The following SPATA13 variants were observed in gnomAD, a reference collection of about 807,000 sequenced individuals.
The protein encoded by SPATA13 is spermatogenesis associated 13, also known as spermatogenesis-associated protein 13.
Under a neutral mutation model 104.0 loss-of-function variants are expected in SPATA13, and 50 were observed. That is an observed-to-expected ratio of 0.48 (90% CI 0.38 to 0.61). SPATA13 has a LOEUF of 0.61. Ranked by LOEUF, SPATA13 falls within the 20% of genes least tolerant of loss-of-function variation. The probability of loss-of-function intolerance (pLI) is 0.00; values close to 1 mark genes in which losing one functional copy is unlikely to be tolerated. For synonymous variants in SPATA13, 606 were observed against 667.5 expected, an observed-to-expected ratio of 0.91 and a Z score of 1.42; for missense variants, 1,524 against 1,690.6, an observed-to-expected ratio of 0.90 and a Z score of 1.73.
chr13:24,223,011 G>A lies in SPATA13; in HGVS notation c.82G>A (p.Ala28Thr), dbSNP rs1871689069. The part of the protein sequence containing the change: ...TAPNGLGPGP[A>T]APCAGSDLKD... ...CCCAAACGGCCTCGGGCCAGGCCCC[G>A]CAGCCCCCTGTGCAGGCTCGGACCT... The change falls in exon 2 of 13, where the codon GCA becomes ACA. Residue 28 changes from alanine (A) to threonine (T), a missense_variant. Around this residue, in one of 2 missense-constraint regions of SPATA13, gnomAD observed 1,089 missense variants for 1,135.9 expected, o/e 0.96. Coordinates refer to ENST00000382108, the MANE Select transcript of SPATA13 (RefSeq NM_001166271.3). 3.9e-6 allele frequency: 6 copies of A among 1,551,186 alleles called. No homozygotes were observed. Among genetic ancestry groups the A allele is most frequent in the Admixed American group, 2.0e-5 (1 of 50,990 alleles).
chr13:24,278,958 T>TTCCTTCTC, intron 4 of SPATA13: 2 of 529,416 alleles, frequency 3.8e-6, no homozygotes, highest in Admixed American at 1.1e-4. Context: ...CCCTCCTTCC[T>TTCCTTCTC]TCCTTCCCTC....
intron 1 of SPATA13, among the ~76,000 whole-genome samples, chr13:24,178,043 G>C (rs982135118): frequency 6.6e-6 from 1 of 151,072 alleles, no homozygotes; most frequent in African/African-American, 2.4e-5. Flanking sequence ...TTGTAGAGAT[G>C]GGGTCTTATC....
chr13:24,148,061 C>T (rs7988701), intron 3 of SPATA13, among the ~76,000 whole-genome samples: 3,924 of 152,256 alleles, frequency 0.026, 85 homozygotes, highest in African/African-American at 0.059. Flanking sequence ...GACTATGTTG[C>T]GTACAAATAT....
At chr13:24,084,795 C>A (rs1879665894) in intron 3 of SPATA13, among the ~76,000 whole-genome samples, 3 of 152,112 alleles carry the variant, frequency 2.0e-5, no homozygotes, top group Non-Finnish European at 4.4e-5. Flanking sequence ...CAAGAGGCAG[C>A]AGGATCGCTT....
At chr13:24,169,396 G>A (rs1048846997) in intron 1 of SPATA13, among the ~76,000 whole-genome samples, 12 of 152,150 alleles carry the variant, frequency 7.9e-5, no homozygotes, top group Non-Finnish European at 1.2e-4. Context: ...AGCTTCTTCC[G>A]ACCATTTTAT....
At chr13:24,107,320 G>C (rs1880486859) in intron 3 of SPATA13, among the ~76,000 whole-genome samples, 1 of 147,198 alleles carries the variant, frequency 6.8e-6, no homozygotes, top group African/African-American at 2.5e-5. Context: ...TGAAAATGCT[G>C]TATGTATGCA....
At chr13:24,041,461 C>A (rs1877926204) in intron 3 of SPATA13, among the ~76,000 whole-genome samples, 1 of 152,134 alleles carries the variant, frequency 6.6e-6, no homozygotes, top group African/African-American at 2.4e-5. Context: ...AGAAATCTCA[C>A]AGGGTGTGAA....
chr13:24,269,430 C>T (rs1874453794), intron 4 of SPATA13, among the ~76,000 whole-genome samples: 1 of 152,100 alleles, frequency 6.6e-6, no homozygotes, highest in Non-Finnish European at 1.5e-5. Flanking sequence ...CAGGATCTAG[C>T]TCTGTAACTC....
At chr13:24,290,981 A>G in intron 9 of SPATA13, 97 bp downstream of exon 9, 1 of 957,886 alleles carries the variant, frequency 1.0e-6, no homozygotes, top group Non-Finnish European at 1.6e-6. Flanking sequence ...CTTCAGTGTC[A>G]GCCTTAACAC....
chr13:24,189,499 A>ATG (rs1869379624), intron 1 of SPATA13, among the ~76,000 whole-genome samples: 8 of 10,842 alleles, frequency 7.4e-4, no homozygotes, highest in Non-Finnish European at 2.5e-3. Flanking sequence ...ATATACGTGT[A>ATG]TATATATATA....
intron 3 of SPATA13, among the ~76,000 whole-genome samples, chr13:24,081,942 G>A (rs1357905640): frequency 6.6e-6 from 1 of 152,188 alleles, no homozygotes; most frequent in African/African-American, 2.4e-5. Flanking sequence ...CTATTCCCAG[G>A]AGTGGGATTG....
chr13:24,021,010 C>T (rs557968843), intron 3 of SPATA13, among the ~76,000 whole-genome samples: 1 of 152,304 alleles, frequency 6.6e-6, no homozygotes, highest in East Asian at 1.9e-4. Context: ...CACTGCACTC[C>T]AGCCTGTGTG....
chr13:24,052,173 C>G (rs536356352), intron 3 of SPATA13, among the ~76,000 whole-genome samples: 1 of 152,296 alleles, frequency 6.6e-6, no homozygotes, highest in East Asian at 1.9e-4. Flanking sequence ...TCTCAAGAAT[C>G]GCAGGCCTCG....
rs901083088 is a variant in SPATA13, at chr13:24,224,416, C to G, written c.1487C>G (p.Ala496Gly). Residue 496 changes from alanine (A) to glycine (G), a missense_variant, in exon 2 of 13, where the codon GCG becomes GGG. By Grantham distance (60) the Ala-to-Gly change is moderately conservative. Coordinates refer to ENST00000382108, the MANE Select transcript of SPATA13 (RefSeq NM_001166271.3). ...CACAGCAATCACAGTGCCCTGTCCG[C>G]GAATTCAGAGGAAAGTGAAGGAAGG... ...SCHSNHSALS[A>G]NSEESEGRAE... is the part of the protein sequence containing the mutation. 6.4e-7 allele frequency: 1 copy of G among 1,551,688 alleles called. No individual in the cohort carries two copies. The highest frequency in any genetic ancestry group is 8.7e-7 in the Non-Finnish European group (1 of 1,147,006).
At chr13:24,119,847 C>T (rs1358353974) in intron 3 of SPATA13, among the ~76,000 whole-genome samples, 2 of 152,194 alleles carry the variant, frequency 1.3e-5, no homozygotes, top group African/African-American at 2.4e-5. Context: ...GCTAATTCTC[C>T]GTCAGTCTAT....
At chr13:24,175,097 C>T (rs772811175) in intron 1 of SPATA13, among the ~76,000 whole-genome samples, 4 of 152,224 alleles carry the variant, frequency 2.6e-5, no homozygotes, top group East Asian at 1.9e-4. Flanking sequence ...TATATGTTCC[C>T]TGGGCACTGG....
At chr13:24,069,040 G>C (rs1005484817) in intron 3 of SPATA13, among the ~76,000 whole-genome samples, 3 of 152,024 alleles carry the variant, frequency 2.0e-5, no homozygotes, top group Non-Finnish European at 2.9e-5. Context: ...TTCTTGCGTA[G>C]TATAGTCAGG....
intron 1 of SPATA13, among the ~76,000 whole-genome samples, chr13:24,203,345 G>T (rs1225891408): frequency 6.6e-6 from 1 of 152,118 alleles, no homozygotes; most frequent in Non-Finnish European, 1.5e-5. Flanking sequence ...AGAAGGGGAA[G>T]AAATACTGAT....
At chr13:24,003,122 T>C (rs1876057506) in intron 2 of SPATA13, among the ~76,000 whole-genome samples, 2 of 152,286 alleles carry the variant, frequency 1.3e-5, no homozygotes, top group South Asian at 4.1e-4. Context: ...TGTCTGGTTT[T>C]CAATGGTTCT....
Sources: gnomAD v4.1 joint callset for allele counts (sites outside exome capture counted in the v4.1 genomes callset) on GRCh38, gnomAD v4.1.1 for gene constraint, gnomAD v4.1.1 regional missense constraint, MANE v1.5 for transcripts, NCBI Gene and HGNC (gene_info 2026-07-23, HGNC 2026-07-21) for gene names.